Variants in KCTD8 observed in about 807,000 individuals in gnomAD.
KCTD8 encodes potassium channel tetramerization domain containing 8, also known as BTB/POZ domain-containing protein KCTD8.
In KCTD8, 27 loss-of-function variants were observed where a neutral mutation model predicts 31.5. That is an observed-to-expected ratio of 0.86 (90% CI 0.63 to 1.18). The LOEUF (loss-of-function observed/expected upper bound fraction) is 1.18, where lower values mean the gene tolerates loss of function less well. Among genes scored for constraint, KCTD8 ranks in the 50% most tolerant of loss-of-function variants. The probability of loss-of-function intolerance (pLI) is 0.00; values close to 1 mark genes in which losing one functional copy is unlikely to be tolerated. For missense variants in KCTD8, 658 were observed against 647.7 expected (o/e 1.02, Z -0.17); for synonymous variants, 290 against 280.0 (o/e 1.04, Z -0.36).
chr4:44,374,003 C>T (rs4637440), intron 1 of KCTD8, among the ~76,000 whole-genome samples: 14,136 of 152,142 alleles, frequency 0.093, 708 homozygotes, highest in Middle Eastern at 0.13. Context: ...GAACACAAAA[C>T]AGTTTAGGCG....
rs146780958 is a variant in KCTD8 at position 44,376,117 on chromosome 4, T to C, written c.961+71446A>G. 1.8e-3 allele frequency among the ~76,000 whole-genome samples: 281 copies of C among 152,290 alleles called. 2 individuals carry two copies. The highest frequency in any genetic ancestry group is 6.6e-3 in the African/African-American group (276 of 41,564). On this transcript the variant is annotated intron_variant, in intron 1 of 1. Transcript: ENST00000360029. ...CACTCATAATTCCCTCACACGCTAC[T>C]TGATGGATGTACCAGAAAAGAAAAT...
chr4:44,216,391 C>G (rs1714652720), intron 1 of KCTD8, among the ~76,000 whole-genome samples: 1 of 152,068 alleles, frequency 6.6e-6, no homozygotes, highest in Admixed American at 6.6e-5. Flanking sequence ...CAAATAAGAT[C>G]CTATTTTCTA....
chr4:44,298,375 T>G (rs1278436165), intron 1 of KCTD8, among the ~76,000 whole-genome samples: 1 of 151,916 alleles, frequency 6.6e-6, no homozygotes, highest in Non-Finnish European at 1.5e-5. Context: ...CTCTGACTTT[T>G]CCTCACAAAA....
At chr4:44,337,018 T>G (rs1718767257) in intron 1 of KCTD8, among the ~76,000 whole-genome samples, 1 of 152,076 alleles carries the variant, frequency 6.6e-6, no homozygotes, top group African/African-American at 2.4e-5. Flanking sequence ...TAAATATGTC[T>G]AAAAGGGGGT....
At chr4:44,290,037 C>A (rs760049010) in intron 1 of KCTD8, among the ~76,000 whole-genome samples, 3 of 152,072 alleles carry the variant, frequency 2.0e-5, no homozygotes, top group Admixed American at 6.6e-5. Context: ...GATCAGAAGA[C>A]AAGACCCAAT....
At chr4:44,438,051 T>C (rs1721718645) in intron 1 of KCTD8, among the ~76,000 whole-genome samples, 1 of 152,102 alleles carries the variant, frequency 6.6e-6, no homozygotes, top group Non-Finnish European at 1.5e-5. Context: ...GAATCATATG[T>C]ATGAATCCTT....
chr4:44,177,220 C>T (rs1041992496), intron 1 of KCTD8, among the ~76,000 whole-genome samples: 1 of 152,076 alleles, frequency 6.6e-6, no homozygotes, highest in Non-Finnish European at 1.5e-5. Flanking sequence ...AGCTCTCTTG[C>T]CTTCTGGCTT....
chr4:44,447,294 G>T (rs1721966787), intron 1 of KCTD8, among the ~76,000 whole-genome samples: 1 of 152,248 alleles, frequency 6.6e-6, no homozygotes, highest in South Asian at 2.1e-4. Context: ...GGGCCGAGAA[G>T]GCAAGATCAA....
Position 44,448,611 on chromosome 4 carries a change from C to G in KCTD8, c.-88G>C, listed in dbSNP as rs1473425345. On this transcript the variant is annotated 5_prime_UTR_variant, in exon 1 of 2. Coordinates refer to ENST00000360029, the MANE Select transcript of KCTD8 (RefSeq NM_198353.3). The surrounding 1 kb of genome is among the most constrained non-coding windows in gnomAD (Gnocchi z 4.1). ...GCCCCAGCCCTCCGCGTGCTCCTGG[C>G]GCTCTGCGCCCTCGGACTGGGCGGC... The G allele has an allele frequency of 1.5e-6, 2 of 1,305,816 alleles. No homozygotes were observed. Among genetic ancestry groups the G allele is most frequent in the Non-Finnish European group, 2.0e-6 (2 of 1,023,324 alleles). The allele number at this position is 1,305,816 out of a possible 1,614,324, so 80.9% of individuals were successfully genotyped here.
chr4:44,215,525 G>A (rs1215875796), intron 1 of KCTD8, among the ~76,000 whole-genome samples: 1 of 151,988 alleles, frequency 6.6e-6, no homozygotes, highest in Non-Finnish European at 1.5e-5. Flanking sequence ...AAAACTAAAG[G>A]CATTTAAATT....
intron 1 of KCTD8, among the ~76,000 whole-genome samples, chr4:44,217,771 G>T (rs1432845740): frequency 6.6e-6 from 1 of 151,894 alleles, no homozygotes; most frequent in East Asian, 1.9e-4. Context: ...TTGGACATGG[G>T]ACTCCAGGTT....
chr4:44,407,682 A>G (rs1209109566), intron 1 of KCTD8, among the ~76,000 whole-genome samples: 1 of 152,046 alleles, frequency 6.6e-6, no homozygotes, highest in Non-Finnish European at 1.5e-5. Flanking sequence ...CACCGCACCC[A>G]GCAGACATTA....
At chr4:44,368,124 C>G (rs1719690157) in intron 1 of KCTD8, among the ~76,000 whole-genome samples, 1 of 152,104 alleles carries the variant, frequency 6.6e-6, no homozygotes, top group African/African-American at 2.4e-5. Context: ...TGCCTGTAAT[C>G]TCAGCACTTT....
chr4:44,343,502 A>G (rs2109419840), intron 1 of KCTD8, among the ~76,000 whole-genome samples: 1 of 152,328 alleles, frequency 6.6e-6, no homozygotes, highest in East Asian at 1.9e-4. Flanking sequence ...GAAAATAACC[A>G]AAATGTGACT....
At chr4:44,352,526 T>G (rs1719229435) in intron 1 of KCTD8, among the ~76,000 whole-genome samples, 1 of 147,656 alleles carries the variant, frequency 6.8e-6, no homozygotes, top group Admixed American at 6.8e-5. Flanking sequence ...TTTATATATT[T>G]TATATACTAT....
At chr4:44,200,011 A>G (rs1714086692) in intron 1 of KCTD8, among the ~76,000 whole-genome samples, 1 of 151,756 alleles carries the variant, frequency 6.6e-6, no homozygotes, top group Non-Finnish European at 1.5e-5. Context: ...AGATCCTGAA[A>G]GGGTACTGTA....
chr4:44,203,719 A>C (rs1714219016), intron 1 of KCTD8, among the ~76,000 whole-genome samples: 1 of 151,808 alleles, frequency 6.6e-6, no homozygotes, highest in South Asian at 2.1e-4. Flanking sequence ...TATGTCTGAT[A>C]AACAGCAAAG....
At chr4:44,357,211 C>A (rs2109428039) in intron 1 of KCTD8, among the ~76,000 whole-genome samples, 1 of 151,612 alleles carries the variant, frequency 6.6e-6, no homozygotes, top group East Asian at 1.9e-4. Context: ...AATTAAGAAA[C>A]AAAAAGGATA....
intron 1 of KCTD8, among the ~76,000 whole-genome samples, chr4:44,413,071 A>C (rs1445967706): frequency 6.6e-6 from 1 of 152,174 alleles, no homozygotes; most frequent in Non-Finnish European, 1.5e-5. Flanking sequence ...AAAGATGCTT[A>C]TTCTGCCTTT....
Sources: gnomAD v4.1 joint callset for allele counts (sites outside exome capture counted in the v4.1 genomes callset) on GRCh38, gnomAD v4.1.1 for gene constraint, Gnocchi (gnomAD v3.1) non-coding constraint, MANE v1.5 for transcripts, NCBI Gene and HGNC (gene_info 2026-07-23, HGNC 2026-07-21) for gene names.